SH3D19: variants seen among roughly 807,000 people sequenced by gnomAD.
The protein encoded by SH3D19 is SH3 domain-containing protein 19.
In SH3D19, 58 loss-of-function variants were observed where a neutral mutation model predicts 112.1. That is an observed-to-expected ratio of 0.52 (90% CI 0.42 to 0.64). The LOEUF is 0.64. Ranked by LOEUF, SH3D19 falls within the 30% of genes least tolerant of loss-of-function variation. The pLI, the probability that SH3D19 is intolerant of heterozygous loss-of-function variation, is 0.00. For synonymous variants in SH3D19, 391 were observed against 448.5 expected (o/e 0.87, Z 1.62); for missense variants, 1,090 against 1,263.4 (o/e 0.86, Z 2.08).
intron 2 of SH3D19, among the ~76,000 whole-genome samples, chr4:151,207,843 A>G (rs1484060860): frequency 6.6e-6 from 1 of 152,232 alleles, no homozygotes; most frequent in African/African-American, 2.4e-5. Context: ...ATGCAATTGT[A>G]GTTTCTTATG....
At chr4:151,138,686 TCACACA>T (rs1177218801) in intron 13 of SH3D19, among the ~76,000 whole-genome samples, 2,514 of 54,058 alleles carry the variant, frequency 0.047, 45 homozygotes, top group Middle Eastern at 0.06. Context: ...AGATCTTGTC[TCACACA>T]CACACACACA....
chr4:151,310,690 G>T (rs1729365833), intron 1 of SH3D19, among the ~76,000 whole-genome samples: 1 of 151,526 alleles, frequency 6.6e-6, no homozygotes, highest in Non-Finnish European at 1.5e-5. Flanking sequence ...TCATGCCTTG[G>T]CCTGCTGAGT....
chr4:151,155,402 T>C (rs1755909429), intron 9 of SH3D19, among the ~76,000 whole-genome samples: 1 of 152,258 alleles, frequency 6.6e-6, no homozygotes, highest in African/African-American at 2.4e-5. Flanking sequence ...TTGGCTAATT[T>C]AATTTAATGT....
At chr4:151,138,537 A>G (rs1162656273) in intron 13 of SH3D19, among the ~76,000 whole-genome samples, 1 of 147,824 alleles carries the variant, frequency 6.8e-6, no homozygotes. Flanking sequence ...TGTCCCTAGG[A>G]AAAAAAAAAA....
rs191432054 is a variant in SH3D19, at chr4:151,145,282, A to G, written c.2083-1232T>C. ...TATGCTAAGAACTGTCAGGCCTCTG[A>G]GCCCAAGCTAAGCCACTGTGACCTG... On this transcript the variant is annotated intron_variant, in intron 11 of 19. Transcript: ENST00000604030. 1.2e-3 allele frequency among the ~76,000 whole-genome samples: 178 copies of G among 152,338 alleles called. 1 individual carries two copies. Among genetic ancestry groups the G allele is most frequent in the African/African-American group, 3.9e-3 (163 of 41,584 alleles).
chr4:151,167,505 A>G (rs1411569905), intron 7 of SH3D19, among the ~76,000 whole-genome samples: 2 of 152,022 alleles, frequency 1.3e-5, no homozygotes, highest in African/African-American at 4.8e-5. Flanking sequence ...TATTTTGAAA[A>G]ACAAACCCAG....
chr4:151,154,992 A>T (rs1298831003), intron 9 of SH3D19, among the ~76,000 whole-genome samples: 1 of 152,044 alleles, frequency 6.6e-6, no homozygotes, highest in Non-Finnish European at 1.5e-5. Flanking sequence ...TCCTGATCTC[A>T]AGTGATTTGC....
At chr4:151,127,797 T>A in intron 18 of SH3D19, 82 bp from the exon 19 acceptor site, 1 of 738,844 alleles carries the variant, frequency 1.4e-6, no homozygotes, top group Non-Finnish European at 2.1e-6. Context: ...AAAAAACGCT[T>A]ATCGCTCTAA....
chr4:151,281,407 T>A (rs747002746), intron 1 of SH3D19, among the ~76,000 whole-genome samples: 47 of 152,166 alleles, frequency 3.1e-4, no homozygotes, highest in Non-Finnish European at 4.1e-4. Flanking sequence ...TAAATACTGA[T>A]CTAACGAAAA....
intron 2 of SH3D19, among the ~76,000 whole-genome samples, chr4:151,198,063 T>G (rs762224316): frequency 6.6e-6 from 1 of 151,960 alleles, no homozygotes; most frequent in African/African-American, 2.4e-5. Context: ...CCCAGCACTT[T>G]GGGAGGCTGA....
At chr4:151,174,007 T>C (rs1420056222) in intron 7 of SH3D19, among the ~76,000 whole-genome samples, 1 of 152,248 alleles carries the variant, frequency 6.6e-6, no homozygotes, top group Non-Finnish European at 1.5e-5. Context: ...GGATATTTAA[T>C]TGTACTGATC....
intron 1 of SH3D19, among the ~76,000 whole-genome samples, chr4:151,240,922 C>T (rs955051639): frequency 6.6e-6 from 1 of 151,874 alleles, no homozygotes; most frequent in Non-Finnish European, 1.5e-5. Flanking sequence ...AAATGTGGTA[C>T]AGCCATACAA....
At chr4:151,233,701 G>T (rs763859386) in intron 1 of SH3D19, among the ~76,000 whole-genome samples, 1 of 152,166 alleles carries the variant, frequency 6.6e-6, no homozygotes, top group Non-Finnish European at 1.5e-5. Context: ...CAGGGATTAC[G>T]ATGTGGACAT....
chr4:151,165,619 C>G lies in SH3D19; in HGVS notation c.1612G>C (p.Val538Leu). ...CCTGGTTTGGCTGGAATTCGAATTA[C>G]AGTGGGCTTCCTGGTGGGTGCTGGT... is the stretch of plus-strand genomic sequence containing the variant. ...VQPAPTRKPT[V>L]IRIPAKPGKC... Residue 538 changes from valine to leucine, a missense_variant, in exon 8 of 20, where the codon GTA becomes CTA. Val to Leu is a conservative substitution (Grantham distance 32). Transcript: ENST00000604030. The G allele has an allele frequency of 6.2e-7, 1 of 1,614,082 alleles. No homozygotes were observed. The highest frequency in any genetic ancestry group is 1.7e-4 in the Middle Eastern group (1 of 6,060).
At position 151,223,193 on chromosome 4, in the gene SH3D19, C is replaced by CT. The variant is rs34770104; in HGVS notation, c.152+2853dup. 3.3e-3 allele frequency among the ~76,000 whole-genome samples: 475 copies of CT among 144,834 alleles called. 3 individuals are homozygous for CT. Among genetic ancestry groups the CT allele is most frequent in the African/African-American group, 8.2e-3 (328 of 39,872 alleles). On this transcript the variant is annotated intron_variant, in intron 2 of 19. Transcript: ENST00000604030. ...ATATTTTAACAACTTTTCCCAACAA[C>CT]TTTTTTTTTTTTTCAACAGCAGCTG...
intron 1 of SH3D19, among the ~76,000 whole-genome samples, chr4:151,250,334 G>T (rs12501397): frequency 0.33 from 49,890 of 152,002 alleles, 9,505 homozygotes; most frequent in Non-Finnish European, 0.44. Context: ...GTACATAGTG[G>T]CATGGAAGGA....
intron 12 of SH3D19, among the ~76,000 whole-genome samples, chr4:151,142,121 A>G (rs1452047498): frequency 1.3e-5 from 2 of 152,206 alleles, no homozygotes; most frequent in African/African-American, 4.8e-5. Context: ...GCTAATGCAA[A>G]TGGTTTTGTA....
chr4:151,290,077 T>C (rs994604461), intron 1 of SH3D19, among the ~76,000 whole-genome samples: 1 of 152,136 alleles, frequency 6.6e-6, no homozygotes, highest in African/African-American at 2.4e-5. Context: ...TCCCGAGTGG[T>C]TGGGATGACA....
chr4:151,161,795 C>T (rs1278929494), intron 8 of SH3D19, among the ~76,000 whole-genome samples: 126 of 136,568 alleles, frequency 9.2e-4, no homozygotes, highest in Middle Eastern at 8.8e-3. Context: ...GATGAGGTCT[C>T]GCTTTGTCAC....
Sources: allele counts gnomAD v4.1 joint callset (sites outside exome capture counted in the v4.1 genomes callset), GRCh38; gene constraint gnomAD v4.1.1; transcripts MANE v1.5; gene names NCBI Gene and HGNC (gene_info 2026-07-23, HGNC 2026-07-21).